ITPKC: variants seen among roughly 807,000 people sequenced by gnomAD.
The protein encoded by ITPKC is inositol-trisphosphate 3-kinase C.
A neutral mutation model predicts 67.1 loss-of-function variants in ITPKC; 33 were observed. The observed-to-expected ratio is 0.49, with a 90% CI of 0.37 to 0.66. ITPKC has a LOEUF of 0.66. Among genes scored for constraint, ITPKC ranks in the 30% least tolerant of loss-of-function variants. ITPKC has a pLI of 0.00. For synonymous variants in ITPKC, 341 were observed against 359.8 expected (o/e 0.95, Z 0.59); for missense variants, 820 against 892.1 (o/e 0.92, Z 1.03).
chr19:40,717,945 A>G lies in ITPKC; in HGVS notation c.810A>G (p.Gln270=), dbSNP rs1235210220. The change falls in exon 1 of 7, where the codon CAA becomes CAG. Residue 270 remains glutamine (Q), a synonymous_variant. Transcript: ENST00000263370. ...CTGGCACTGGTGGTTTCCAAATACA[A>G]CAGGATACTGATGGCTCCTGGACAC... ...KQPGTGGFQI[Q]QDTDGSWTQP... The G allele has an allele frequency of 1.2e-6, 2 of 1,614,030 alleles. No individual in the cohort carries two copies. Among genetic ancestry groups the G allele is most frequent in the Middle Eastern group, 1.6e-4 (1 of 6,062 alleles).
chr19:40,722,215 C>T (rs905921971), intron 1 of ITPKC, among the ~76,000 whole-genome samples: 1 of 152,028 alleles, frequency 6.6e-6, no homozygotes, highest in Admixed American at 6.6e-5. Flanking sequence ...AGAGCTAGAA[C>T]CCCAGCGCTG....
At chr19:40,730,529 T>C (rs1406491665) in intron 3 of ITPKC, among the ~76,000 whole-genome samples, 1 of 152,190 alleles carries the variant, frequency 6.6e-6, no homozygotes, top group Non-Finnish European at 1.5e-5. Context: ...ACTCCTGGGC[T>C]CAGGCGGTCC....
At chr19:40,718,795 G>A (rs2082206784) in intron 1 of ITPKC, among the ~76,000 whole-genome samples, 1 of 152,028 alleles carries the variant, frequency 6.6e-6, no homozygotes, top group Non-Finnish European at 1.5e-5. Flanking sequence ...TTTTTCTAGG[G>A]AGCAAAGCGA....
intron 6 of ITPKC, among the ~76,000 whole-genome samples, chr19:40,739,092 A>C (rs2082309900): frequency 6.6e-6 from 1 of 151,666 alleles, no homozygotes; most frequent in Non-Finnish European, 1.5e-5. Context: ...CACTTGACTG[A>C]GAGTAACTAA....
intron 4 of ITPKC, 102 bp downstream of exon 4, chr19:40,733,466 G>T (rs1470939025): frequency 3.6e-6 from 4 of 1,098,610 alleles, no homozygotes; most frequent in Non-Finnish European, 5.2e-6. Context: ...GAGACGGCGT[G>T]GGATGAAAGG....
rs1034426065 is a variant in ITPKC, at chr19:40,717,767, C to T, written c.632C>T (p.Ala211Val). The T allele has an allele frequency of 6.2e-7, 1 of 1,613,924 alleles. No individual in the cohort carries two copies. The highest frequency in any genetic ancestry group is 8.5e-7 in the Non-Finnish European group (1 of 1,179,926). The part of the protein sequence containing the change: ...SSSLQTHPEG[A>V]CPSKEPSADG... ...AGCCTCCAGACTCACCCAGAAGGAG[C>T]CTGTCCCTCAAAAGAGCCAAGTGCT... is the stretch of plus-strand genomic sequence containing the variant. The change falls in exon 1 of 7, where the codon GCC becomes GTC. Residue 211 changes from alanine to valine, a missense_variant. Coordinates refer to ENST00000263370, the MANE Select transcript of ITPKC (RefSeq NM_025194.3).
At chr19:40,723,900 AC>A (rs199804216) in intron 1 of ITPKC, among the ~76,000 whole-genome samples, 1 of 152,204 alleles carries the variant, frequency 6.6e-6, no homozygotes, top group East Asian at 1.9e-4. Context: ...GTGACTTAGA[AC>A]AACAAAGGAT....
At position 40,725,426 on chromosome 19, in the gene ITPKC, T is replaced by C; in HGVS notation, c.1242T>C (p.Leu414=). 1 of 1,607,162 alleles carries C rather than the reference T, an allele frequency of 6.2e-7. No homozygotes were observed. The highest frequency in any genetic ancestry group is 2.2e-5 in the East Asian group (1 of 44,850). The part of the protein sequence containing the change: ...SFRKHYPWVQ[L]SGHAGNFQAG... The stretch of plus-strand genomic sequence containing the variant: ...GAAAACACTACCCTTGGGTCCAGCT[T>C]TCTGGACATGCTGGTAAGTGGGGTG... The change falls in exon 2 of 7, where the codon CTT becomes CTC. Residue 414 remains leucine (L), a synonymous_variant. Transcript: ENST00000263370.
In ITPKC at chr19:40,735,598, C is replaced by T. The variant is rs114140690; in HGVS notation, c.1675-1388C>T. ...TCCTCAGGGAAGCCCTCCCTGATTT[C>T]TGTTCTACTGATCAGGGTCCCCTCT... On this transcript the variant is annotated intron_variant, in intron 4 of 6. Coordinates refer to ENST00000263370, the MANE Select transcript of ITPKC (RefSeq NM_025194.3). 4.1e-3 allele frequency among the ~76,000 whole-genome samples: 617 copies of T among 152,232 alleles called. 4 individuals carry two copies. The highest frequency in any genetic ancestry group is 0.014 in the African/African-American group (600 of 41,544).
chr19:40,718,962 CA>C (rs1273472046), intron 1 of ITPKC, among the ~76,000 whole-genome samples: 6 of 152,208 alleles, frequency 3.9e-5, no homozygotes, highest in African/African-American at 1.4e-4. Context: ...CCGTCACCCC[CA>C]GCTTGGGTGT....
chr19:40,725,752 T>C (rs1435281871), intron 2 of ITPKC, among the ~76,000 whole-genome samples: 1 of 152,170 alleles, frequency 6.6e-6, no homozygotes, highest in African/African-American at 2.4e-5. Context: ...CATCTGTTAA[T>C]GTGGAGATAA....
At position 40,740,292 on chromosome 19, in the gene ITPKC, T is replaced by A. The variant is rs896027079; in HGVS notation, c.*732T>A. On this transcript the variant is annotated 3_prime_UTR_variant, in exon 7 of 7. Transcript: ENST00000263370. ...AGCTTCTGTGCCAGCACTGTGACAG[T>A]ACCTCGCTCCTCTGTGCACCAGATC... 3.9e-5 allele frequency: 6 copies of A among 153,338 alleles called. No homozygotes were observed. The highest frequency in any genetic ancestry group is 1.4e-4 in the African/African-American group (6 of 41,482). 9.5% of individuals were successfully genotyped at this position (153,338 alleles called of 1,614,324 possible).
At chr19:40,720,355 A>C (rs2082215800) in intron 1 of ITPKC, among the ~76,000 whole-genome samples, 1 of 150,372 alleles carries the variant, frequency 6.7e-6, no homozygotes, top group African/African-American at 2.5e-5. Flanking sequence ...TGACAGAGCA[A>C]GACTCGGTCT....
At position 40,726,307 on chromosome 19, in the gene ITPKC, C is replaced by A. The variant is rs141182844; in HGVS notation, c.1255+868C>A. ...AAATGATCACTCCTTGCCTTCTCCGCGTGTTCAGAGCATAGCAGGCCTTCA... is the reference window on the plus strand; with the variant it reads ...AAATGATCACTCCTTGCCTTCTCCGAGTGTTCAGAGCATAGCAGGCCTTCA... On this transcript the variant is annotated intron_variant, in intron 2 of 6. Transcript: ENST00000263370. Among the ~76,000 whole-genome samples, 8 of 152,144 alleles carry A rather than the reference C, an allele frequency of 5.3e-5. No homozygotes were observed. The South Asian group carries it at 6.2e-4, about 12-fold the overall frequency.
At chr19:40,724,323 G>C (rs1364762949) in intron 1 of ITPKC, among the ~76,000 whole-genome samples, 1 of 152,218 alleles carries the variant, frequency 6.6e-6, no homozygotes, top group Non-Finnish European at 1.5e-5. Flanking sequence ...CCAGGAGTTG[G>C]AGGTTGCAGT....
At position 40,740,829 on chromosome 19, in the gene ITPKC, A is replaced by G; in HGVS notation, c.*1269A>G. 2 of 396,338 alleles carry G rather than the reference A, an allele frequency of 5.0e-6. No homozygotes were observed. The highest frequency in any genetic ancestry group is 8.9e-6 in the Non-Finnish European group (2 of 224,916). 24.6% of individuals were successfully genotyped at this position (396,338 alleles called of 1,614,324 possible). A position where few individuals can be genotyped will look rare whatever the true frequency, so the allele number is the denominator to read the frequency against. ...CTCTGCTGAGCCTCCTACCCATGAC[A>G]ACACCCCAATAAACAGAACATTCAG... is the stretch of plus-strand genomic sequence containing the variant. On this transcript the variant is annotated 3_prime_UTR_variant, in exon 7 of 7. Transcript: ENST00000263370.
In ITPKC at chr19:40,740,493, G is replaced by A. The variant is rs563787717; in HGVS notation, c.*933G>A. 313 of 211,580 alleles carry A rather than the reference G, an allele frequency of 1.5e-3. No homozygotes were observed. Among genetic ancestry groups the A allele is most frequent in the African/African-American group, 7.0e-3 (305 of 43,310 alleles). 13.1% of individuals were successfully genotyped at this position (211,580 alleles called of 1,614,324 possible). ...ATCCCGGGCCCCTGCAGGGAAAAGC[G>A]CTGGGTGTGTGTCAGAGGCGCAGGG... On this transcript the variant is annotated 3_prime_UTR_variant, in exon 7 of 7. Coordinates refer to ENST00000263370, the MANE Select transcript of ITPKC (RefSeq NM_025194.3).
At position 40,732,355 on chromosome 19, in the gene ITPKC, C is replaced by G. The variant is rs545495729; in HGVS notation, c.1470-805C>G. 4.0e-5 allele frequency among the ~76,000 whole-genome samples: 6 copies of G among 151,012 alleles called. No homozygotes were observed. In the East Asian group the frequency reaches 1.2e-3, roughly 29 times the overall value. On this transcript the variant is annotated intron_variant, in intron 3 of 6. Transcript: ENST00000263370. ...ACCAGCCTGGCCAACATCGTGAAAC[C>G]CCATCTCTACTAAAAATACAAAAAA...
rs866530435 is a variant in ITPKC, at chr19:40,739,286, C to G, written c.1849-71C>G. ...GGTTCATGCTGTCAATCACCCTGCTCTGCTGCCTGTCAGGAAGGGACCTTG... is the reference window on the plus strand; with the variant it reads ...GGTTCATGCTGTCAATCACCCTGCTGTGCTGCCTGTCAGGAAGGGACCTTG... On this transcript the variant is annotated intron_variant, in intron 6 of 6. Transcript: ENST00000263370. The G allele has an allele frequency of 7.8e-6, 9 of 1,158,064 alleles. No individual in the cohort carries two copies. In the Middle Eastern group the frequency reaches 1.8e-3, roughly 227 times the overall value. The allele number at this position is 1,158,064 out of a possible 1,614,324, so 71.7% of individuals were successfully genotyped here. A position where few individuals can be genotyped will look rare whatever the true frequency, so the allele number is the denominator to read the frequency against.
Sources: allele counts gnomAD v4.1 joint callset (sites outside exome capture counted in the v4.1 genomes callset), GRCh38; gene constraint gnomAD v4.1.1; transcripts MANE v1.5; gene names NCBI Gene and HGNC (gene_info 2026-07-23, HGNC 2026-07-21).